OTUD5: variants seen among roughly 807,000 people sequenced by gnomAD.
OTUD5 encodes the protein OTU deubiquitinase 5.
In OTUD5, 2 loss-of-function variants were observed where a neutral mutation model predicts 36.3. That is an observed-to-expected ratio of 0.06 (90% CI 0.02 to 0.17). OTUD5 has a LOEUF of 0.17. Among genes scored for constraint, OTUD5 ranks in the 10% least tolerant of loss-of-function variants. The pLI, the probability that OTUD5 is intolerant of heterozygous loss-of-function variation, is 1.00. For missense variants in OTUD5, 233 were observed against 512.3 expected (o/e 0.45, Z 5.26); for synonymous variants, 234 against 214.9 (o/e 1.09, Z -0.78).
At position 48,957,197 on chromosome X, in the gene OTUD5, C is replaced by A; in HGVS notation, c.374G>T (p.Gly125Val). The A allele has an allele frequency of 1.8e-6, 2 of 1,111,058 alleles. No individual in the cohort carries two copies. The highest frequency in any genetic ancestry group is 1.9e-5 in the African/African-American group (1 of 52,635). 91.6% of individuals were successfully genotyped at this position (1,111,058 alleles called of 1,213,427 possible). Residue 125 changes from glycine (G) to valine (V), a missense_variant, in exon 1 of 9, where the codon GGT (glycine) becomes GTT (valine). By Grantham distance (109) the Gly-to-Val change is moderately radical. This residue lies in a region of OTUD5 where 155 missense variants were observed against 217.2 expected (regional missense o/e 0.71). Transcript: ENST00000376488. ...DALGAAAAGV[G>V]AAGVVVGVGG... ...CACACCCACCACCACGCCCGCGGCA[C>A]CCACACCCGCCGCCGCTGCGCCCAG...
intron 1 of OTUD5, 62 bp downstream of exon 1, chrX:48,956,915 C>A: frequency 9.5e-7 from 1 of 1,053,955 alleles, no homozygotes; most frequent in Non-Finnish European, 1.2e-6. Flanking sequence ...TTCCTTGAGT[C>A]CCTTCACAGT....
chrX:48,922,268 C>T lies in OTUD5; in HGVS notation c.*906G>A, dbSNP rs1557046376. On this transcript the variant is annotated 3_prime_UTR_variant, in exon 9 of 9. Coordinates refer to ENST00000376488, the MANE Select transcript of OTUD5 (RefSeq NM_001136157.2). ...CATTACAGATGGCGGATCTTGTCAA[C>T]ACCTGCAGGGCACGGGTGCCCCATC... 1 of 111,923 alleles carries T rather than the reference C, an allele frequency of 8.9e-6. No homozygotes were observed. The highest frequency in any genetic ancestry group is 3.3e-5 in the African/African-American group (1 of 30,577). 9.2% of individuals were successfully genotyped at this position (111,923 alleles called of 1,213,427 possible).
chrX:48,943,533 T>C (rs1163880757), intron 2 of OTUD5, among the ~76,000 whole-genome samples: 1 of 111,129 alleles, frequency 9.0e-6, no homozygotes, highest in Non-Finnish European at 1.9e-5. Context: ...TGGCCACGTA[T>C]TGACTATTTT....
At chrX:48,928,916 A>G (rs2063707479) in intron 5 of OTUD5, among the ~76,000 whole-genome samples, 1 of 110,139 alleles carries the variant, frequency 9.1e-6, no homozygotes, top group Non-Finnish European at 1.9e-5. Context: ...CACAAAGACA[A>G]TAGTGTTTGC....
chrX:48,934,667 G>T (rs377185693), intron 4 of OTUD5, 44 bp downstream of exon 4: 7 of 1,204,796 alleles, frequency 5.8e-6, no homozygotes, highest in Middle Eastern at 4.6e-4. Context: ...GGGCAGGCTC[G>T]AATGAGGCAC....
chrX:48,925,210 G>A lies in OTUD5; in HGVS notation c.1263+637C>T, dbSNP rs1341063912. On this transcript the variant is annotated intron_variant, in intron 6 of 8. Transcript: ENST00000376488. ...GGAGAATGGCATCAACCTGGGAGGCGGAGCTTGCAGTGAGCCGAGACTGCG... is the reference window on the plus strand; with the variant it reads ...GGAGAATGGCATCAACCTGGGAGGCAGAGCTTGCAGTGAGCCGAGACTGCG... 2.9e-5 allele frequency among the ~76,000 whole-genome samples: 3 copies of A among 104,965 alleles called. No individual in the cohort carries two copies. The Admixed American group carries it at 3.1e-4, about 11-fold the overall frequency. The allele number at this position is 104,965 out of a possible 115,157, so 91.1% of individuals were successfully genotyped here.
At chrX:48,945,139 A>C (rs1876220037) in intron 1 of OTUD5, among the ~76,000 whole-genome samples, 1 of 111,218 alleles carries the variant, frequency 9.0e-6, no homozygotes, top group Non-Finnish European at 1.9e-5. Context: ...ATGTATACAA[A>C]CACACGTACA....
At chrX:48,939,155 G>A (rs782571185) in intron 2 of OTUD5, among the ~76,000 whole-genome samples, 7 of 111,549 alleles carry the variant, frequency 6.3e-5, no homozygotes, top group African/African-American at 2.0e-4. Flanking sequence ...TTTAGGGGGA[G>A]TGAAGGGGAG....
rs1557055633 is a variant in OTUD5, at chrX:48,957,136, C to A, written c.435G>T (p.Gly145=). 3 of 1,163,913 alleles carry A rather than the reference C, an allele frequency of 2.6e-6. No individual in the cohort carries two copies. ...GACGTCGCCGCTTGCTGTGCCCAGG[C>A]CCGGAGCAGCAGCCGCCCACGCCTA... ...GAVGVGGCCS[G]PGHSKRRRQA... The change falls in exon 1 of 9, where the codon GGG becomes GGT. Residue 145 remains glycine (G), a synonymous_variant. Transcript: ENST00000376488.
intron 1 of OTUD5, among the ~76,000 whole-genome samples, chrX:48,954,137 T>A (rs781824401): frequency 8.1e-5 from 9 of 110,943 alleles, no homozygotes; most frequent in Non-Finnish European, 1.3e-4. Context: ...TCTTTTTTTT[T>A]TATTAGTAAA....
chrX:48,953,097 G>A (rs782372127), intron 1 of OTUD5, among the ~76,000 whole-genome samples: 2 of 111,978 alleles, frequency 1.8e-5, no homozygotes, highest in Non-Finnish European at 3.8e-5. Context: ...AGGTAAGGAG[G>A]AGATGCTGAG....
At chrX:48,936,272 A>T (rs2147596119) in intron 2 of OTUD5, 1 of 111,896 alleles carries the variant, frequency 8.9e-6, no homozygotes, top group South Asian at 3.7e-4. Flanking sequence ...GCGAGAAGGA[A>T]ACACACTCCC....
chrX:48,924,049 G>C lies in OTUD5; in HGVS notation c.1267C>G (p.Arg423Gly). The C allele has an allele frequency of 8.3e-7, 1 of 1,198,162 alleles. No individual in the cohort carries two copies. Among genetic ancestry groups the C allele is most frequent in the Non-Finnish European group, 1.1e-6 (1 of 889,022 alleles). Residue 423 changes from arginine (R) to glycine (G), a missense_variant, in exon 7 of 9, where the codon CGG becomes GGG. By Grantham distance (125) the Arg-to-Gly change is moderately radical (BLOSUM62 -2). This residue lies in a region of OTUD5 where 57 missense variants were observed against 133.1 expected (regional missense o/e 0.43). Transcript: ENST00000376488. ...ARQVRGPSQP[R>G]KASATCSSAT... ...GAACTGCATGTGGCGCTGGCTTTCC[G>C]GGGCTGCAGCGGGGAAGGTAAATGC...
At chrX:48,929,593 T>C (rs1200472723) in intron 5 of OTUD5, among the ~76,000 whole-genome samples, 18 of 106,893 alleles carry the variant, frequency 1.7e-4, no homozygotes, top group Non-Finnish European at 5.8e-5. Flanking sequence ...TGGTAGTGCA[T>C]GCCTGTAATT....
chrX:48,934,201 T>C (rs1315402427), intron 5 of OTUD5, among the ~76,000 whole-genome samples: 3 of 111,256 alleles, frequency 2.7e-5, no homozygotes, highest in African/African-American at 6.5e-5. Flanking sequence ...TGCTCCAAAA[T>C]AGGACTCCAC....
intron 5 of OTUD5, among the ~76,000 whole-genome samples, chrX:48,931,477 C>T (rs781827261): frequency 2.0e-4 from 23 of 112,697 alleles, no homozygotes; most frequent in Non-Finnish European, 3.8e-4. Context: ...ATGCAGATTT[C>T]ATTTAATAGT....
At chrX:48,933,212 G>T (rs1173161753) in intron 5 of OTUD5, among the ~76,000 whole-genome samples, 1 of 110,762 alleles carries the variant, frequency 9.0e-6, no homozygotes, top group Non-Finnish European at 1.9e-5. Context: ...GAGATAAAGG[G>T]GACACAACAA....
chrX:48,934,663 G>A (rs782518124), intron 4 of OTUD5, 48 bp downstream of exon 4: 3 of 1,206,345 alleles, frequency 2.5e-6, no homozygotes, highest in Admixed American at 4.4e-5. Context: ...GGTTGGGCAG[G>A]CTCGAATGAG....
chrX:48,942,911 G>A (rs1275534461), intron 2 of OTUD5, among the ~76,000 whole-genome samples: 2 of 110,838 alleles, frequency 1.8e-5, no homozygotes, highest in Admixed American at 1.9e-4. Flanking sequence ...AAGAAGAGCT[G>A]CTTGCCTAAG....
Sources: gnomAD v4.1 joint callset for allele counts (sites outside exome capture counted in the v4.1 genomes callset) on GRCh38, gnomAD v4.1.1 for gene constraint, gnomAD v4.1.1 regional missense constraint, MANE v1.5 for transcripts, NCBI Gene and HGNC (gene_info 2026-07-23, HGNC 2026-07-21) for gene names.